LMO7: variants seen among roughly 807,000 people sequenced by gnomAD.
LMO7 encodes the protein LIM domain 7, also known as LIM domain only protein 7.
Under a neutral mutation model 206.5 loss-of-function variants are expected in LMO7, and 120 were observed. The ratio of observed to expected loss-of-function variants is 0.58; its 90% CI spans 0.50 to 0.68. The LOEUF (loss-of-function observed/expected upper bound fraction) is 0.68. Ranked by LOEUF, LMO7 falls within the 30% of genes least tolerant of loss-of-function variation. The pLI, the probability that LMO7 is intolerant of heterozygous loss-of-function variation, is 0.00. For synonymous variants in LMO7, 706 were observed against 681.5 expected (o/e 1.04, Z -0.56); for missense variants, 1,959 against 1,957.9 (o/e 1.00, Z -0.01).
chr13:75,825,420 A>C (rs777030137), intron 15 of LMO7, among the ~76,000 whole-genome samples: 3 of 152,284 alleles, frequency 2.0e-5, no homozygotes, highest in Non-Finnish European at 4.4e-5. Flanking sequence ...GACTAACTGC[A>C]ACTGTGGATT....
chr13:75,756,006 C>T (rs186981755), intron 3 of LMO7, among the ~76,000 whole-genome samples: 38 of 152,280 alleles, frequency 2.5e-4, no homozygotes, highest in Middle Eastern at 3.4e-3. Flanking sequence ...GTAAATGATG[C>T]TAGAACTGAG....
At chr13:75,694,096 T>G (rs2041714744) in intron 1 of LMO7, among the ~76,000 whole-genome samples, 2 of 152,328 alleles carry the variant, frequency 1.3e-5, no homozygotes, top group East Asian at 3.9e-4. Flanking sequence ...GTAAAATCTT[T>G]ATGGAGTTTC....
intron 24 of LMO7, among the ~76,000 whole-genome samples, chr13:75,842,278 G>A (rs1000818281): frequency 3.3e-5 from 5 of 152,092 alleles, no homozygotes; most frequent in African/African-American, 1.2e-4. Context: ...TACTCACTCT[G>A]TTCCAGCCCC....
At chr13:75,777,964 G>A (rs2050762217) in intron 4 of LMO7, among the ~76,000 whole-genome samples, 2 of 151,854 alleles carry the variant, frequency 1.3e-5, no homozygotes, top group Admixed American at 6.6e-5. Flanking sequence ...TTTCTTAACT[G>A]GGAAAAACAA....
intron 4 of LMO7, among the ~76,000 whole-genome samples, chr13:75,761,612 C>T (rs1274103256): frequency 6.6e-6 from 1 of 151,900 alleles, no homozygotes; most frequent in Non-Finnish European, 1.5e-5. Flanking sequence ...GGGGTGAGAA[C>T]ACGTATGCCA....
intron 1 of LMO7, among the ~76,000 whole-genome samples, chr13:75,664,395 G>C (rs904031852): frequency 6.6e-6 from 1 of 152,032 alleles, no homozygotes; most frequent in Non-Finnish European, 1.5e-5. Flanking sequence ...GTACTCCATT[G>C]TAAGTACCAA....
intron 15 of LMO7, among the ~76,000 whole-genome samples, chr13:75,831,818 G>T (rs1012790378): frequency 6.6e-6 from 1 of 152,094 alleles, no homozygotes; most frequent in African/African-American, 2.4e-5. Flanking sequence ...ACACTTCCCA[G>T]CACTACCACA....
At chr13:75,627,995 G>T (rs992045079) in intron 2 of LMO7, 1 of 151,644 alleles carries the variant, frequency 6.6e-6, no homozygotes, top group African/African-American at 2.4e-5. Context: ...AAGCTCTTAA[G>T]ATCTTTATAG....
At chr13:75,673,955 CTGGTAAATCAAACTAACTG>C (rs2039803560) in intron 1 of LMO7, among the ~76,000 whole-genome samples, 11 of 151,614 alleles carry the variant, frequency 7.3e-5, no homozygotes, top group African/African-American at 2.7e-4. Context: ...GAAGGACTCA[CTGGTAAATCAAACTAACTG>C]AGGAATTTAA....
At chr13:75,740,970 A>G (rs1273730335) in intron 3 of LMO7, among the ~76,000 whole-genome samples, 3 of 152,210 alleles carry the variant, frequency 2.0e-5, no homozygotes, top group Non-Finnish European at 2.9e-5. Flanking sequence ...CTATCAGTGT[A>G]TTGGAGCAAT....
At chr13:75,776,805 G>T (rs924543582) in intron 4 of LMO7, among the ~76,000 whole-genome samples, 4 of 152,314 alleles carry the variant, frequency 2.6e-5, no homozygotes, top group Middle Eastern at 3.4e-3. Context: ...CTCTGAGAGA[G>T]AGCCTCTCTA....
At chr13:75,674,532 A>C (rs777981613) in intron 1 of LMO7, among the ~76,000 whole-genome samples, 36 of 152,248 alleles carry the variant, frequency 2.4e-4, no homozygotes, top group Non-Finnish European at 4.8e-4. Flanking sequence ...ATATAATTGA[A>C]GTAAAAACAC....
intron 1 of LMO7, among the ~76,000 whole-genome samples, chr13:75,690,312 C>A (rs1205699484): frequency 6.6e-6 from 1 of 152,006 alleles, no homozygotes; most frequent in African/African-American, 2.4e-5. Context: ...CAAAGGTGGT[C>A]CAGGCTGGGG....
chr13:75,720,374 T>C (rs2043916799), intron 2 of LMO7, among the ~76,000 whole-genome samples: 1 of 152,236 alleles, frequency 6.6e-6, no homozygotes, highest in Admixed American at 6.5e-5. Context: ...TTACGAATTG[T>C]GCTTTTTGTG....
intron 1 of LMO7, among the ~76,000 whole-genome samples, chr13:75,670,056 G>A (rs919218394): frequency 6.6e-6 from 1 of 152,140 alleles, no homozygotes; most frequent in Non-Finnish European, 1.5e-5. Flanking sequence ...TTATAACAGA[G>A]AAAGGCCCTA....
intron 2 of LMO7, among the ~76,000 whole-genome samples, chr13:75,715,275 A>G (rs1298627756): frequency 1.3e-5 from 2 of 152,212 alleles, no homozygotes; most frequent in East Asian, 3.8e-4. Flanking sequence ...GAGGATATTC[A>G]GAGTTGATGA....
At chr13:75,755,402 T>C (rs2047606173) in intron 3 of LMO7, among the ~76,000 whole-genome samples, 1 of 152,190 alleles carries the variant, frequency 6.6e-6, no homozygotes, top group South Asian at 2.1e-4. Flanking sequence ...CCGTATGCTA[T>C]TCTCTTCTGC....
exon 1 of LMO7, chr13:75,620,929 ATACAT>A (rs1191262346): frequency 1.3e-5 from 2 of 151,532 alleles, no homozygotes; most frequent in East Asian, 3.9e-4. Flanking sequence ...ACAAAAAAAA[ATACAT>A]TATTAGGATC....
chr13:75,626,222 C>T (rs2034051974), intron 2 of LMO7, among the ~76,000 whole-genome samples: 1 of 152,040 alleles, frequency 6.6e-6, no homozygotes, highest in South Asian at 2.1e-4. Flanking sequence ...CGTTTTCACA[C>T]TGCTGATAAA....
Sources: allele counts gnomAD v4.1 joint callset (sites outside exome capture counted in the v4.1 genomes callset), GRCh38; gene constraint gnomAD v4.1.1; transcripts MANE v1.5; gene names NCBI Gene and HGNC (gene_info 2026-07-23, HGNC 2026-07-21).